Variants in TASP1 observed in about 807,000 individuals in gnomAD.
The protein encoded by TASP1 is threonine aspartase 1.
Under a neutral mutation model 56.6 loss-of-function variants are expected in TASP1, and 16 were observed. That is an observed-to-expected ratio of 0.28 (90% CI 0.19 to 0.43). The LOEUF (loss-of-function observed/expected upper bound fraction) is 0.43. Among genes scored for constraint, TASP1 ranks in the 20% least tolerant of loss-of-function variants. The probability of loss-of-function intolerance (pLI) is 1.00; values close to 1 mark genes in which losing one functional copy is unlikely to be tolerated. For synonymous variants in TASP1, 179 were observed against 184.2 expected (o/e 0.97, Z 0.23); for missense variants, 393 against 511.6 (o/e 0.77, Z 2.24).
chr20:13,107,678 C>T, the TASP1 span, among the ~76,000 whole-genome samples: 926 of 152,042 alleles, frequency 6.1e-3, 5 homozygotes, highest in African/African-American at 0.021. Context: ...CGGGTCCTTA[C>T]GATCTTGGTG....
At chr20:13,414,504 A>G (rs2042189036) in intron 13 of TASP1, among the ~76,000 whole-genome samples, 1 of 152,204 alleles carries the variant, frequency 6.6e-6, no homozygotes, top group African/African-American at 2.4e-5. Flanking sequence ...GGAAATTTTT[A>G]TAACAGTATT....
rs535723792 is a variant in TASP1 at position 13,565,992 on chromosome 20, A to C, written c.568+3515T>G. Among the ~76,000 whole-genome samples, 54 of 152,352 alleles carry C rather than the reference A, an allele frequency of 3.5e-4. 3 individuals carry two copies. Among genetic ancestry groups the C allele is most frequent in the African/African-American group, 1.3e-3 (53 of 41,588 alleles). ...GATAAACAAAATGTGGTATATACAT[A>C]CAATGAAACACTATTCAGCCTTAAA... is the stretch of plus-strand genomic sequence containing the variant. On this transcript the variant is annotated intron_variant, in intron 7 of 13. Transcript: ENST00000337743.
intron 8 of TASP1, among the ~76,000 whole-genome samples, chr20:13,553,610 G>T (rs1474258986): frequency 6.6e-6 from 1 of 151,994 alleles, no homozygotes; most frequent in Non-Finnish European, 1.5e-5. Flanking sequence ...TAATTACTAA[G>T]AATTTATGTT....
At chr20:13,567,536 A>C (rs1159811579) in intron 7 of TASP1, among the ~76,000 whole-genome samples, 2 of 152,120 alleles carry the variant, frequency 1.3e-5, no homozygotes, top group Non-Finnish European at 2.9e-5. Flanking sequence ...TCCAGACTTA[A>C]TGTGCAAAAT....
intron 10 of TASP1, among the ~76,000 whole-genome samples, chr20:13,522,702 T>G (rs1250899736): frequency 2.0e-5 from 3 of 152,244 alleles, no homozygotes; most frequent in Admixed American, 2.0e-4. Flanking sequence ...GAGATAAAAT[T>G]GTAGGAATCA....
At chr20:13,176,058 G>A in the TASP1 span, among the ~76,000 whole-genome samples, 1 of 152,116 alleles carries the variant, frequency 6.6e-6, no homozygotes, top group African/African-American at 2.4e-5. Context: ...GGGTTAAACA[G>A]GAACTTAGAC....
At chr20:13,633,673 T>C (rs1227263149) in intron 1 of TASP1, among the ~76,000 whole-genome samples, 1 of 152,166 alleles carries the variant, frequency 6.6e-6, no homozygotes, top group Non-Finnish European at 1.5e-5. Context: ...TATGTAATCA[T>C]TGTTACAAAT....
chr20:13,188,014 C>T, the TASP1 span, among the ~76,000 whole-genome samples: 2 of 152,028 alleles, frequency 1.3e-5, no homozygotes, highest in Non-Finnish European at 2.9e-5. Flanking sequence ...GGGTTAAGGT[C>T]CTTTTAAAAG....
chr20:13,235,763 T>C, the TASP1 span, among the ~76,000 whole-genome samples: 1 of 152,108 alleles, frequency 6.6e-6, no homozygotes, highest in Admixed American at 6.6e-5. Flanking sequence ...TGCCTGCAAA[T>C]ACGTTATTCA....
chr20:13,419,175 C>T (rs1031995153), intron 12 of TASP1, among the ~76,000 whole-genome samples: 1 of 152,158 alleles, frequency 6.6e-6, no homozygotes, highest in Non-Finnish European at 1.5e-5. Flanking sequence ...TTAAGAAATA[C>T]TCACCAAAGT....
In TASP1 at chr20:13,483,099, T is replaced by C. The variant is rs10211717; in HGVS notation, c.985+128A>G. 3.1e-3 allele frequency: 1,796 copies of C among 578,716 alleles called. 38 individuals are homozygous for C. The highest frequency in any genetic ancestry group is 0.03 in the African/African-American group (1,609 of 52,794). The allele number at this position is 578,716 out of a possible 1,614,324, so 35.8% of individuals were successfully genotyped here. A position where few individuals can be genotyped will look rare whatever the true frequency, so the allele number is the denominator to read the frequency against. ...TTCTTTTCACAATCAGTATTAACTG[T>C]GGTTCTTTTCCTCTGCTAGACCCTA... On this transcript the variant is annotated intron_variant, in intron 11 of 13. Transcript: ENST00000337743.
the TASP1 span, among the ~76,000 whole-genome samples, chr20:13,363,360 T>A: frequency 2.6e-5 from 4 of 152,112 alleles, no homozygotes; most frequent in Non-Finnish European, 5.9e-5. Context: ...TGGGGTCAAT[T>A]TATTCATATG....
the TASP1 span, among the ~76,000 whole-genome samples, chr20:13,303,284 T>A: frequency 6.6e-6 from 1 of 152,142 alleles, no homozygotes; most frequent in Non-Finnish European, 1.5e-5. Flanking sequence ...CTCACTGCCT[T>A]TGCTTAGATT....
intron 10 of TASP1, among the ~76,000 whole-genome samples, chr20:13,496,114 T>C (rs1555877297): frequency 6.6e-6 from 1 of 152,078 alleles, no homozygotes; most frequent in Non-Finnish European, 1.5e-5. Flanking sequence ...AGTGCCCTAG[T>C]GCGATCTCAG....
the TASP1 span, among the ~76,000 whole-genome samples, chr20:13,374,691 T>G: frequency 1.3e-5 from 2 of 152,186 alleles, no homozygotes; most frequent in Non-Finnish European, 2.9e-5. Context: ...GGTAACATTT[T>G]GTAGCAACTC....
intron 10 of TASP1, among the ~76,000 whole-genome samples, chr20:13,516,931 G>A (rs1339967700): frequency 1.3e-5 from 2 of 152,018 alleles, no homozygotes; most frequent in Admixed American, 1.3e-4. Flanking sequence ...GTGTAGGAGG[G>A]TGATGGGTAG....
At chr20:13,279,953 G>A in the TASP1 span, 1 of 1,536,840 alleles carries the variant, frequency 6.5e-7, no homozygotes, top group East Asian at 2.3e-5. Context: ...CGAGGATGAT[G>A]CCTTGGACAT....
chr20:13,325,686 A>G, the TASP1 span, among the ~76,000 whole-genome samples: 1 of 152,220 alleles, frequency 6.6e-6, no homozygotes, highest in Non-Finnish European at 1.5e-5. Flanking sequence ...CAAAACTGTG[A>G]CATGTGGGTA....
the TASP1 span, among the ~76,000 whole-genome samples, chr20:13,351,183 T>C: frequency 6.6e-6 from 1 of 152,168 alleles, no homozygotes; most frequent in African/African-American, 2.4e-5. Flanking sequence ...ACACCAAGTT[T>C]TGACAAACAT....
Sources: gnomAD v4.1 joint callset for allele counts (sites outside exome capture counted in the v4.1 genomes callset) on GRCh38, gnomAD v4.1.1 for gene constraint, MANE v1.5 for transcripts, NCBI Gene and HGNC (gene_info 2026-07-23, HGNC 2026-07-21) for gene names.